Variants in AGBL2 observed in about 807,000 individuals in gnomAD.
AGBL2 encodes the protein cytosolic carboxypeptidase 2.
A neutral mutation model predicts 103.0 loss-of-function variants in AGBL2; 87 were observed. The observed-to-expected ratio is 0.84, with a 90% CI of 0.71 to 1.01. The LOEUF is 1.01. AGBL2 is among the 50% of genes least tolerant of loss of function. The pLI is 0.00. For missense variants in AGBL2, 904 were observed against 1,023.5 expected, an observed-to-expected ratio of 0.88 and a Z score of 1.59; for synonymous variants, 335 against 356.7, an observed-to-expected ratio of 0.94 and a Z score of 0.69.
At chr11:47,665,030 C>G (rs745604164) in intron 17 of AGBL2, among the ~76,000 whole-genome samples, 1 of 151,606 alleles carries the variant, frequency 6.6e-6, no homozygotes, top group African/African-American at 2.4e-5. Flanking sequence ...TATAAGCATG[C>G]GCCACCATGC....
At chr11:47,704,408 G>C (rs2097509782) in intron 7 of AGBL2, 135 bp downstream of exon 7, 2 of 692,208 alleles carry the variant, frequency 2.9e-6, no homozygotes, top group Non-Finnish European at 4.7e-6. Context: ...CCTTGAACCT[G>C]GGAGACAGAG....
chr11:47,697,234 A>C (rs749182374), intron 8 of AGBL2, among the ~76,000 whole-genome samples: 20 of 146,872 alleles, frequency 1.4e-4, no homozygotes, highest in Non-Finnish European at 2.6e-4. Context: ...CAGCCTCTTA[A>C]TGATGATGAT....
At chr11:47,697,288 A>C (rs186272461) in intron 8 of AGBL2, among the ~76,000 whole-genome samples, 28 of 152,122 alleles carry the variant, frequency 1.8e-4, no homozygotes, top group African/African-American at 6.0e-4. Context: ...CCCAGGCTGG[A>C]GTGCAGTGGC....
intron 7 of AGBL2, among the ~76,000 whole-genome samples, chr11:47,703,890 A>G (rs2097507311): frequency 6.9e-6 from 1 of 144,938 alleles, no homozygotes; most frequent in African/African-American, 2.6e-5. Context: ...ATGCCATTGC[A>G]CTCCAGCCTG....
intron 11 of AGBL2, among the ~76,000 whole-genome samples, chr11:47,684,289 C>T (rs1297525865): frequency 2.0e-5 from 3 of 151,316 alleles, no homozygotes; most frequent in Non-Finnish European, 4.4e-5. Context: ...AATAAAAGGA[C>T]GGGTATGGTG....
chr11:47,678,288 CTATTTTATT>C (rs1443693219), intron 13 of AGBL2, among the ~76,000 whole-genome samples: 3 of 123,838 alleles, frequency 2.4e-5, no homozygotes, highest in Non-Finnish European at 5.2e-5. Context: ...ATGCAATACT[CTATTTTATT>C]TTATTTTATT....
At chr11:47,676,526 A>G (rs1331701581) in intron 14 of AGBL2, among the ~76,000 whole-genome samples, 2 of 152,186 alleles carry the variant, frequency 1.3e-5, no homozygotes, top group Admixed American at 1.3e-4. Context: ...GTTGAAACTA[A>G]AACCTGTCTG....
At chr11:47,699,195 A>G (rs1357153608) in intron 8 of AGBL2, among the ~76,000 whole-genome samples, 2 of 152,184 alleles carry the variant, frequency 1.3e-5, no homozygotes, top group Non-Finnish European at 2.9e-5. Context: ...GATTTTCAGG[A>G]AGGAGAATAA....
At chr11:47,704,816 G>T in intron 6 of AGBL2, 88 bp from the exon 7 acceptor site, 1 of 1,018,258 alleles carries the variant, frequency 9.8e-7, no homozygotes, top group Non-Finnish European at 1.4e-6. Flanking sequence ...ACTATTTTAA[G>T]CATTATATTA....
chr11:47,676,678 G>C (rs1226142650), intron 14 of AGBL2, among the ~76,000 whole-genome samples: 2 of 152,030 alleles, frequency 1.3e-5, no homozygotes, highest in African/African-American at 2.4e-5. Flanking sequence ...AATTAGCCGG[G>C]CGTTGTTGCA....
intron 12 of AGBL2, among the ~76,000 whole-genome samples, chr11:47,681,279 C>T (rs2097400163): frequency 1.3e-5 from 2 of 151,840 alleles, no homozygotes; most frequent in African/African-American, 4.8e-5. Flanking sequence ...ATGCAGAGAG[C>T]CATGATCATG....
At chr11:47,675,375 GTTTTTTTTTT>G (rs34044161) in intron 14 of AGBL2, among the ~76,000 whole-genome samples, 8 of 55,100 alleles carry the variant, frequency 1.5e-4, no homozygotes, top group Non-Finnish European at 2.1e-4. Context: ...CCCCTGCTAA[GTTTTTTTTTT>G]TTTTTTTTTT....
At chr11:47,697,588 C>T (rs1352784315) in intron 8 of AGBL2, among the ~76,000 whole-genome samples, 2 of 127,982 alleles carry the variant, frequency 1.6e-5, no homozygotes, top group Non-Finnish European at 3.2e-5. Flanking sequence ...CTCTGTCGCC[C>T]AGGCTAGAGT....
intron 9 of AGBL2, among the ~76,000 whole-genome samples, chr11:47,691,339 T>C (rs2097444533): frequency 6.6e-6 from 1 of 151,692 alleles, no homozygotes; most frequent in Admixed American, 6.6e-5. Context: ...ACACCTGAAA[T>C]TTATGAAGTG....
At chr11:47,679,529 C>G (rs1425027288) in intron 13 of AGBL2, among the ~76,000 whole-genome samples, 1 of 152,024 alleles carries the variant, frequency 6.6e-6, no homozygotes, top group Non-Finnish European at 1.5e-5. Flanking sequence ...TGGGGGCTTT[C>G]TTATTTTCTT....
Position 47,679,970 on chromosome 11 carries a change from T to C in AGBL2, c.2016+3A>G. Reference sequence around the variant, plus strand: ...ATCACATTTCTTGAAACCCCATTTTTACCTTCATTTGGTCAGGATCACAAA... The same window carrying C: ...ATCACATTTCTTGAAACCCCATTTTCACCTTCATTTGGTCAGGATCACAAA... On this transcript the variant is annotated splice_donor_region_variant and intron_variant, in intron 13 of 18. Transcript: ENST00000525123. 1 of 1,587,676 alleles carries C rather than the reference T, an allele frequency of 6.3e-7. No individual in the cohort carries two copies. Among genetic ancestry groups the C allele is most frequent in the Non-Finnish European group, 8.6e-7 (1 of 1,157,188 alleles).
intron 7 of AGBL2, among the ~76,000 whole-genome samples, chr11:47,702,829 G>T (rs1312047319): frequency 1.3e-5 from 2 of 151,878 alleles, no homozygotes; most frequent in African/African-American, 4.8e-5. Flanking sequence ...AGCCGAGATG[G>T]AGCCATTGCA....
Position 47,677,272 on chromosome 11 carries a change from T to G in AGBL2, c.2146A>C (p.Ser716Arg). The G allele has an allele frequency of 6.3e-7, 1 of 1,589,008 alleles. No homozygotes were observed. Among genetic ancestry groups the G allele is most frequent in the South Asian group, 1.2e-5 (1 of 84,978 alleles). Reference sequence around the variant, plus strand: ...AAAACTCTGTTTTTTCTTTGTTACCTGGATTCAATGTCAGACAAAGAGATG... The same window carrying G: ...AAAACTCTGTTTTTTCTTTGTTACCGGGATTCAATGTCAGACAAAGAGATG... ...SDISLSDIESSTSGSDSSLSD... is the reference protein window; with the variant it reads ...SDISLSDIESRTSGSDSSLSD... Residue 716 changes from serine to arginine, a missense_variant and splice_region_variant, in exon 14 of 19, where the codon AGC (serine) becomes CGC (arginine). Physicochemically the swap from Ser to Arg is moderately radical, Grantham distance 110 (BLOSUM62 -1). Transcript: ENST00000525123.
intron 8 of AGBL2, among the ~76,000 whole-genome samples, chr11:47,692,613 C>A (rs940777051): frequency 6.6e-6 from 1 of 151,330 alleles, no homozygotes; most frequent in African/African-American, 2.4e-5. Context: ...GGAGTTTCAC[C>A]GTGTTAGCCA....
Sources: gnomAD v4.1 joint callset for allele counts (sites outside exome capture counted in the v4.1 genomes callset) on GRCh38, gnomAD v4.1.1 for gene constraint, MANE v1.5 for transcripts, NCBI Gene and HGNC (gene_info 2026-07-23, HGNC 2026-07-21) for gene names.